Variants in ANXA2 observed in about 807,000 individuals in gnomAD.
ANXA2 encodes annexin II.
Under a neutral mutation model 47.3 loss-of-function variants are expected in ANXA2, and 28 were observed. The observed-to-expected ratio is 0.59, with a 90% CI of 0.44 to 0.81. The LOEUF is 0.81. ANXA2 is among the 40% of genes least tolerant of loss of function. The probability of loss-of-function intolerance (pLI) is 0.00; values close to 1 mark genes in which losing one functional copy is unlikely to be tolerated. For synonymous variants in ANXA2, 172 were observed against 155.5 expected, an observed-to-expected ratio of 1.11 and a Z score of -0.79; for missense variants, 384 against 414.3, an observed-to-expected ratio of 0.93 and a Z score of 0.64.
chr15:60,386,958 T>C (rs1166101124), intron 1 of ANXA2: 1 of 152,240 alleles, frequency 6.6e-6, no homozygotes. Context: ...GACATTTAAA[T>C]TGCAGTGACT....
chr15:60,372,371 C>T (rs969948540), intron 3 of ANXA2, among the ~76,000 whole-genome samples: 2 of 152,122 alleles, frequency 1.3e-5, no homozygotes, highest in East Asian at 3.9e-4. Flanking sequence ...AGATTCAAAC[C>T]GGGACTAAAG....
intron 3 of ANXA2, among the ~76,000 whole-genome samples, chr15:60,365,103 A>G (rs1037789920): frequency 1.5e-5 from 2 of 133,254 alleles, no homozygotes; most frequent in Non-Finnish European, 3.3e-5. Flanking sequence ...TTGAAGACAA[A>G]ATTGTTTTGT....
chr15:60,392,942 T>TAAAA (rs60755565), intron 1 of ANXA2: 6 of 927,138 alleles, frequency 6.5e-6, no homozygotes, highest in Non-Finnish European at 6.8e-6. Flanking sequence ...AATTTTAAAC[T>TAAAA]AAAAAAAAAA....
intron 11 of ANXA2, among the ~76,000 whole-genome samples, chr15:60,350,342 G>A (rs1895952447): frequency 1.3e-5 from 2 of 152,124 alleles, no homozygotes; most frequent in Non-Finnish European, 2.9e-5. Flanking sequence ...AGTTCAAGCA[G>A]TCTGAGTCTC....
chr15:60,355,046 A>G (rs2123828), intron 7 of ANXA2, among the ~76,000 whole-genome samples: 120,154 of 152,018 alleles, frequency 0.79, 47,919 homozygotes, highest in African/African-American at 0.88. Flanking sequence ...GCTGGCACAC[A>G]AGGGATGGCA....
chr15:60,362,275 T>C (rs557034594), intron 4 of ANXA2, among the ~76,000 whole-genome samples: 5 of 152,142 alleles, frequency 3.3e-5, no homozygotes, highest in Admixed American at 6.5e-5. Context: ...CCATTCTCTA[T>C]TCAAACCTCA....
rs983795890 is a variant in ANXA2 at position 60,383,730 on chromosome 15, C to A, written c.49-1289G>T. On this transcript the variant is annotated intron_variant, in intron 2 of 12. Coordinates refer to ENST00000451270, the MANE Select transcript of ANXA2 (RefSeq NM_004039.3). ...CTGCAACCCACCCCAACCCCCCCAGCACATAATGCCCGTATAATGTGATGA... is the reference window on the plus strand; with the variant it reads ...CTGCAACCCACCCCAACCCCCCCAGAACATAATGCCCGTATAATGTGATGA... The A allele has an allele frequency of 5.3e-4, 80 of 151,352 alleles. 1 individual carries two copies. Among genetic ancestry groups the A allele is most frequent in the East Asian group, 4.1e-3 (21 of 5,086 alleles). The allele number at this position is 151,352 out of a possible 1,614,324, so 9.4% of individuals were successfully genotyped here. A position where few individuals can be genotyped will look rare whatever the true frequency, so the allele number is the denominator to read the frequency against.
intron 1 of ANXA2, chr15:60,391,201 C>G (rs886239132): frequency 6.6e-6 from 1 of 152,282 alleles, no homozygotes; most frequent in African/African-American, 2.4e-5. Flanking sequence ...GGGCCAAAAC[C>G]CAGATCCCCA....
chr15:60,387,080 G>C (rs1216136503), intron 1 of ANXA2: 1 of 152,198 alleles, frequency 6.6e-6, no homozygotes, highest in Non-Finnish European at 1.5e-5. Flanking sequence ...TCATAAAACT[G>C]GTTTGGCGAG....
At chr15:60,382,059 AGGGAGGG>A (rs2062868500) in intron 3 of ANXA2, among the ~76,000 whole-genome samples, 1 of 11,790 alleles carries the variant, frequency 8.5e-5, no homozygotes, top group Non-Finnish European at 1.9e-4. Context: ...GAGGGGAGGG[AGGGAGGG>A]AGGGAGGAAG....
At chr15:60,375,456 C>T (rs2062763474) in intron 3 of ANXA2, among the ~76,000 whole-genome samples, 1 of 152,172 alleles carries the variant, frequency 6.6e-6, no homozygotes, top group African/African-American at 2.4e-5. Flanking sequence ...ATTTAGCTGA[C>T]TCTCCTTTCT....
At chr15:60,397,867 G>A (rs377400363) in intron 1 of ANXA2, 76 bp downstream of exon 1, 34 of 1,381,714 alleles carry the variant, frequency 2.5e-5, no homozygotes, top group Admixed American at 3.1e-5. Context: ...CTGCCAGGCC[G>A]TACCCTTCTT....
intron 1 of ANXA2, chr15:60,397,207 T>A: frequency 1.1e-6 from 1 of 919,038 alleles, no homozygotes. Context: ...CATTGTCACA[T>A]CATGGCGAGT....
intron 9 of ANXA2, 76 bp from the exon 10 acceptor site, chr15:60,351,895 T>G: frequency 2.0e-6 from 2 of 1,013,112 alleles, no homozygotes; most frequent in South Asian, 1.4e-5. Flanking sequence ...CCTAGTTTTA[T>G]GCACCATAAT....
chr15:60,365,295 G>C (rs1237453246), intron 3 of ANXA2, among the ~76,000 whole-genome samples: 1 of 151,998 alleles, frequency 6.6e-6, no homozygotes, highest in Admixed American at 6.6e-5. Flanking sequence ...ACAAAGATAA[G>C]CAATGCCTTC....
At chr15:60,348,940 T>A in intron 12 of ANXA2, 135 bp downstream of exon 12, 3 of 958,414 alleles carry the variant, frequency 3.1e-6, no homozygotes, top group Non-Finnish European at 4.7e-6. Context: ...TCCCTGATAG[T>A]TGATGACTAG....
chr15:60,390,600 A>C (rs1314820150), intron 1 of ANXA2: 1 of 291,470 alleles, frequency 3.4e-6, no homozygotes, highest in African/African-American at 2.2e-5. Context: ...TGCAGATCTA[A>C]GAAAATGCTG....
chr15:60,376,619 C>T (rs1340011088), intron 3 of ANXA2, among the ~76,000 whole-genome samples: 2 of 152,220 alleles, frequency 1.3e-5, no homozygotes, highest in Non-Finnish European at 2.9e-5. Flanking sequence ...AAAGTAGCCT[C>T]TCTCCTCTAA....
intron 3 of ANXA2, among the ~76,000 whole-genome samples, chr15:60,380,166 G>T (rs780401428): frequency 6.6e-6 from 1 of 152,192 alleles, no homozygotes; most frequent in African/African-American, 2.4e-5. Context: ...GTACGTGTGT[G>T]TGTTTTAAGG....
Sources: allele counts gnomAD v4.1 joint callset (sites outside exome capture counted in the v4.1 genomes callset), GRCh38; gene constraint gnomAD v4.1.1; transcripts MANE v1.5; gene names NCBI Gene and HGNC (gene_info 2026-07-23, HGNC 2026-07-21).